STAB1: variants seen among roughly 807,000 people sequenced by gnomAD.
STAB1 encodes stabilin 1.
In STAB1, 250 loss-of-function variants were observed where a neutral mutation model predicts 332.4. The observed-to-expected ratio is 0.75, with a 90% CI of 0.68 to 0.84. STAB1 has a LOEUF of 0.84. STAB1 is among the 40% of genes least tolerant of loss of function. STAB1 has a pLI of 0.00. For synonymous variants in STAB1, 1,475 were observed against 1,390.4 expected (o/e 1.06, Z -1.35); for missense variants, 3,249 against 3,489.7 (o/e 0.93, Z 1.74).
rs765024656 is a variant in STAB1, at chr3:52,520,012, C to G, written c.5304C>G (p.Asp1768Glu). The G allele has an allele frequency of 6.2e-7, 1 of 1,612,370 alleles. No homozygotes were observed. The change falls in exon 51 of 69, where the codon GAC (aspartate) becomes GAG (glutamate). Residue 1768 changes from aspartate to glutamate, a missense_variant. Transcript: ENST00000321725. ...HRPFTMLWPTDAAFRALPPDR... is the reference protein window; with the variant it reads ...HRPFTMLWPTEAAFRALPPDR... ...CCTTCACAATGCTGTGGCCCACAGACGCCGCCTTTCGAGCTCTGCCTCCGG... is the reference window on the plus strand; with the variant it reads ...CCTTCACAATGCTGTGGCCCACAGAGGCCGCCTTTCGAGCTCTGCCTCCGG...
At chr3:52,501,572 G>T in intron 2 of STAB1, 66 bp from the exon 3 acceptor site, 1 of 1,434,280 alleles carries the variant, frequency 7.0e-7, no homozygotes, top group East Asian at 2.5e-5. Context: ...AAGCCAATGT[G>T]GGGAGGCTGG....
chr3:52,516,365 G>A lies in STAB1; in HGVS notation c.4154G>A (p.Cys1385Tyr). ...CTTTATACCACTGCAGTGTGTGACT[G>A]TGCCCATGGGCTGTGCCAGGAGGGG... Reference protein sequence around the residue: ...YGPNCTGVCDCAHGLCQEGLQ... With the variant: ...YGPNCTGVCDYAHGLCQEGLQ... Residue 1385 changes from cysteine to tyrosine, a missense_variant, in exon 39 of 69, where the codon TGT becomes TAT. Transcript: ENST00000321725. 1 of 1,607,946 alleles carries A rather than the reference G, an allele frequency of 6.2e-7. No homozygotes were observed. The highest frequency in any genetic ancestry group is 8.5e-7 in the Non-Finnish European group (1 of 1,175,884).
chr3:52,509,718 C>T (rs1044972366), intron 22 of STAB1, 152 bp from the exon 23 acceptor site: 13 of 749,854 alleles, frequency 1.7e-5, no homozygotes, highest in Non-Finnish European at 2.4e-5. Flanking sequence ...CATCTGCCTG[C>T]CCATTGAGTC....
chr3:52,512,519 C>T, intron 27 of STAB1, 77 bp from the exon 28 acceptor site: 2 of 1,612,458 alleles, frequency 1.2e-6, no homozygotes, highest in Non-Finnish European at 1.7e-6. Flanking sequence ...GAAAGGGGCA[C>T]TGCTCAGGAT....
chr3:52,518,642 AGGGCTGGGTGCTCTGGT>A, intron 47 of STAB1, 29 bp downstream of exon 47: 1 of 1,611,018 alleles, frequency 6.2e-7, no homozygotes, highest in Non-Finnish European at 8.5e-7. Flanking sequence ...GAGGCTGGGC[AGGGCTGGGTGCTCTGGT>A]GGTGGCCCTG....
At position 52,502,598 on chromosome 3, in the gene STAB1, T is replaced by C. The variant is rs1349071082; in HGVS notation, c.488-34T>C. ...GTCCCAGTGTGTGCCTGGGAGAGGCTGGGGCCCCATCTGTCTCTGTGTGTC... is the reference window on the plus strand; with the variant it reads ...GTCCCAGTGTGTGCCTGGGAGAGGCCGGGGCCCCATCTGTCTCTGTGTGTC... On this transcript the variant is annotated intron_variant, in intron 5 of 68. Transcript: ENST00000321725. The C allele has an allele frequency of 3.1e-6, 5 of 1,590,136 alleles. No homozygotes were observed. The East Asian group carries it at 9.0e-5, about 29-fold the overall frequency.
Position 52,512,544 on chromosome 3 carries a change from G to A in STAB1, c.2980-52G>A, listed in dbSNP as rs761293497. The A allele has an allele frequency of 2.5e-6, 4 of 1,613,554 alleles. No homozygotes were observed. The South Asian group carries it at 3.3e-5, about 13-fold the overall frequency. ...CTGCTCAGGATCCATGGTGGGGAAG[G>A]GGCTTGAATTTGCCCCTGGTCCTGT... On this transcript the variant is annotated intron_variant, in intron 27 of 68. Coordinates refer to ENST00000321725, the MANE Select transcript of STAB1 (RefSeq NM_015136.3).
intron 41 of STAB1, 54 bp downstream of exon 41, chr3:52,516,822 C>T (rs1206740225): frequency 1.4e-5 from 23 of 1,592,976 alleles, no homozygotes; most frequent in Non-Finnish European, 2.0e-5. Context: ...GTGGCTGTCC[C>T]CACAGAGCCC....
chr3:52,497,689 A>C (rs1271172830), intron 1 of STAB1, among the ~76,000 whole-genome samples: 1 of 152,148 alleles, frequency 6.6e-6, no homozygotes, highest in African/African-American at 2.4e-5. Flanking sequence ...CTGGGATTAC[A>C]GATGTGAGCC....
rs2079026375 is a variant in STAB1, at chr3:52,520,193, C to T, written c.5413-11C>T. On this transcript the variant is annotated splice_polypyrimidine_tract_variant and intron_variant, in intron 51 of 68. Coordinates refer to ENST00000321725, the MANE Select transcript of STAB1 (RefSeq NM_015136.3). ...GCCTTTCCACCTCCAACCATGACTCCACTTGCTCAGGCCTTGGCATCTGAC... is the reference window on the plus strand; with the variant it reads ...GCCTTTCCACCTCCAACCATGACTCTACTTGCTCAGGCCTTGGCATCTGAC... 6.2e-7 allele frequency: 1 copy of T among 1,613,078 alleles called. No individual in the cohort carries two copies. The highest frequency in any genetic ancestry group is 8.5e-7 in the Non-Finnish European group (1 of 1,180,030).
Position 52,506,749 on chromosome 3 carries a change from G to T in STAB1, c.1888G>T (p.Ala630Ser). The T allele has an allele frequency of 5.6e-6, 9 of 1,612,668 alleles. No individual in the cohort carries two copies. Among genetic ancestry groups the T allele is most frequent in the Non-Finnish European group, 7.6e-6 (9 of 1,179,560 alleles). ...GCTGCAGAGGGTAGACGTGATGGCCGCCAATGGTGTGATCCACATGCTGGA... is the reference window on the plus strand; with the variant it reads ...GCTGCAGAGGGTAGACGTGATGGCCTCCAATGGTGTGATCCACATGCTGGA... ...VPLQRVDVMA[A>S]NGVIHMLDGI... The change falls in exon 18 of 69, where the codon GCC becomes TCC. Residue 630 changes from alanine to serine, a missense_variant. By Grantham distance (99) the Ala-to-Ser change is moderately conservative. Coordinates refer to ENST00000321725, the MANE Select transcript of STAB1 (RefSeq NM_015136.3).
intron 11 of STAB1, 74 bp downstream of exon 11, chr3:52,504,623 G>A (rs1367967919): frequency 1.9e-6 from 3 of 1,611,800 alleles, no homozygotes; most frequent in Non-Finnish European, 2.5e-6. Context: ...AGTCTTCAGG[G>A]CCACCTGGAA....
rs2079155074 is a variant in STAB1, at chr3:52,523,584, T to C, written c.7290+8T>C. 7 of 1,612,700 alleles carry C rather than the reference T, an allele frequency of 4.3e-6. No homozygotes were observed. The highest frequency in any genetic ancestry group is 5.1e-6 in the Non-Finnish European group (6 of 1,179,990). On this transcript the variant is annotated splice_region_variant and intron_variant, in intron 65 of 68. Coordinates refer to ENST00000321725, the MANE Select transcript of STAB1 (RefSeq NM_015136.3). ...AGTTCCTGGGCCCCTGTGGTGAGTCTGGCCACTGTCCCACCCTGTTGGCCC... is the reference window on the plus strand; with the variant it reads ...AGTTCCTGGGCCCCTGTGGTGAGTCCGGCCACTGTCCCACCCTGTTGGCCC...
Position 52,501,526 on chromosome 3 carries a change from G to A in STAB1, c.216-112G>A, listed in dbSNP as rs1378328069. 2.6e-6 allele frequency: 3 copies of A among 1,175,324 alleles called. No individual in the cohort carries two copies. The African/African-American group carries it at 4.6e-5, about 18-fold the overall frequency. 72.8% of individuals were successfully genotyped at this position (1,175,324 alleles called of 1,614,324 possible). On this transcript the variant is annotated intron_variant, in intron 2 of 68. Coordinates refer to ENST00000321725, the MANE Select transcript of STAB1 (RefSeq NM_015136.3). ...GTGCTAGGCCCTGTGCTCAGCTCTG[G>A]GCCAGGCAGAGCAGGGAGGTGGGTG...
In STAB1 at chr3:52,523,326, C is replaced by T. The variant is rs2079144695; in HGVS notation, c.7125C>T (p.Gly2375=). The T allele has an allele frequency of 6.2e-7, 1 of 1,610,832 alleles. No homozygotes were observed. Among genetic ancestry groups the T allele is most frequent in the Non-Finnish European group, 8.5e-7 (1 of 1,180,006 alleles). The change falls in exon 64 of 69, where the codon GGC becomes GGT. Residue 2375 remains glycine (G), a synonymous_variant. Transcript: ENST00000321725. ...CACTCTTCGTCCCTGTCAATGAAGG[C>T]TTTGTGGACAACATGGTAACCCCCA... ...YKTLFVPVNE[G]FVDNMTLSGP...
rs1709380134 is a variant in STAB1 at position 52,512,662 on chromosome 3, C to T, written c.3027+19C>T. The T allele has an allele frequency of 6.2e-7, 1 of 1,613,414 alleles. No homozygotes were observed. The highest frequency in any genetic ancestry group is 1.7e-5 in the Admixed American group (1 of 59,992). On this transcript the variant is annotated intron_variant, in intron 28 of 68. Transcript: ENST00000321725. ...GCTTAAGGTAGGACAGGGCAGAATG[C>T]TGGGGTTGAGGGCTCAAATCCAGGA...
Position 52,509,853 on chromosome 3 carries a change from C to T in STAB1, c.2348-17C>T, listed in dbSNP as rs1334212140. 1.9e-6 allele frequency: 3 copies of T among 1,612,558 alleles called. No homozygotes were observed. Among genetic ancestry groups the T allele is most frequent in the South Asian group, 1.1e-5 (1 of 91,036 alleles). The stretch of plus-strand genomic sequence containing the variant: ...CTCCTGCTTCTCAGTTTCCTTGCTC[C>T]CATCTACTCCATACAGACTGCGGCT... On this transcript the variant is annotated splice_polypyrimidine_tract_variant and intron_variant, in intron 22 of 68. Transcript: ENST00000321725.
chr3:52,518,845 C>G lies in STAB1; in HGVS notation c.5010C>G (p.His1670Gln). Residue 1670 changes from histidine (H) to glutamine (Q), a missense_variant, in exon 48 of 69, where the codon CAC becomes CAG. Transcript: ENST00000321725. The part of the protein sequence containing the change: ...EQGYATALSG[H>Q]PLRFSEREGS... ...GGTACGCCACGGCCCTCTCAGGGCA[C>G]CCACTGCGCTTCAGCGAGAGGGAGG... The G allele has an allele frequency of 6.2e-7, 1 of 1,604,328 alleles. No homozygotes were observed.
At chr3:52,518,922 C>T (rs1418447779) in intron 48 of STAB1, 53 bp downstream of exon 48, 3 of 1,448,758 alleles carry the variant, frequency 2.1e-6, no homozygotes, top group East Asian at 5.0e-5. Context: ...CCCGCCCCTG[C>T]GCGCCATTGC....
Sources: allele counts gnomAD v4.1 joint callset (sites outside exome capture counted in the v4.1 genomes callset), GRCh38; gene constraint gnomAD v4.1.1; transcripts MANE v1.5; gene names NCBI Gene and HGNC (gene_info 2026-07-23, HGNC 2026-07-21).